The following COL19A1 variants were observed in gnomAD, a reference collection of about 807,000 sequenced individuals.
COL19A1 encodes the protein collagen alpha-1(XIX) chain.
COL19A1 carries 159 observed loss-of-function variants against 190.2 expected under a neutral mutation model. That is an observed-to-expected ratio of 0.84 (90% CI 0.73 to 0.95). COL19A1 has a LOEUF of 0.95. Among genes scored for constraint, COL19A1 ranks in the 40% least tolerant of loss-of-function variants. The pLI is 0.00. For missense variants in COL19A1, 1,418 were observed against 1,431.9 expected, an observed-to-expected ratio of 0.99 and a Z score of 0.16; for synonymous variants, 509 against 458.9, an observed-to-expected ratio of 1.11 and a Z score of -1.39.
intron 17 of COL19A1, among the ~76,000 whole-genome samples, chr6:70,129,630 A>T (rs994010111): frequency 2.6e-5 from 4 of 152,230 alleles, no homozygotes; most frequent in African/African-American, 7.2e-5. Flanking sequence ...GCAGGAGGAT[A>T]GCTTGAGCCC....
chr6:69,927,864 C>G, intron 4 of COL19A1, 45 bp from the exon 5 acceptor site: 1 of 1,564,668 alleles, frequency 6.4e-7, no homozygotes, highest in African/African-American at 1.4e-5. Flanking sequence ...TATTTTCTTG[C>G]AATCTCCAGT....
intron 12 of COL19A1, 129 bp from the exon 13 acceptor site, chr6:70,034,116 T>C (rs1779217702): frequency 1.5e-6 from 1 of 684,720 alleles, no homozygotes; most frequent in Non-Finnish European, 2.6e-6. Context: ...TTGTCTCTAT[T>C]TCTCTCTATA....
rs752392127 is a variant in COL19A1, at chr6:70,066,860, A to G, written c.1171-1563A>G. ...ATTATCAGATTTTTCATTTATTTCA[A>G]ACCATTTAAGGCATTTAATAGATGA... On this transcript the variant is annotated intron_variant, in intron 14 of 50. Transcript: ENST00000620364. Among the ~76,000 whole-genome samples, 47 of 152,100 alleles carry G rather than the reference A, an allele frequency of 3.1e-4. 1 individual carries two copies. Among genetic ancestry groups the G allele is most frequent in the Admixed American group, 1.3e-4 (2 of 15,218 alleles).
intron 8 of COL19A1, 28 bp from the exon 9 acceptor site, chr6:69,938,009 TG>T (rs772742046): frequency 6.2e-7 from 1 of 1,608,684 alleles, no homozygotes; most frequent in East Asian, 2.2e-5. Flanking sequence ...ACAGAATGTT[TG>T]CTAACACAGA....
intron 48 of COL19A1, 73 bp from the exon 49 acceptor site, chr6:70,199,535 C>A: frequency 8.9e-7 from 1 of 1,123,580 alleles, no homozygotes; most frequent in Non-Finnish European, 1.2e-6. Context: ...TGTTTGATTT[C>A]ATGTATTTTG....
rs1296763032 is a variant in COL19A1 at position 70,186,720 on chromosome 6, T to C, written c.2857-1355T>C. Among the ~76,000 whole-genome samples the C allele has an allele frequency of 4.6e-5, 7 of 152,186 alleles. No individual in the cohort carries two copies. The East Asian group carries it at 1.3e-3, about 29-fold the overall frequency. On this transcript the variant is annotated intron_variant, in intron 46 of 50. Transcript: ENST00000620364. ...AAGCAACTGCCATGATCTCTCTCTC[T>C]CTCTCTCTCTCATTCTCTCTTGCAC...
chr6:70,040,097 C>A lies in COL19A1; in HGVS notation c.1170+4158C>A, dbSNP rs377038140. On this transcript the variant is annotated intron_variant, in intron 14 of 50. Coordinates refer to ENST00000620364, the MANE Select transcript of COL19A1 (RefSeq NM_001858.6). The stretch of plus-strand genomic sequence containing the variant: ...ATGTTTATTGCTGTTATTTTTGTGT[C>A]CCTGTGGATTCTTGTGCTTTTGGTA... 7.2e-5 allele frequency among the ~76,000 whole-genome samples: 11 copies of A among 152,076 alleles called. No homozygotes were observed. In the East Asian group the frequency reaches 1.2e-3, roughly 16 times the overall value.
intron 14 of COL19A1, chr6:70,059,844 CA>C: frequency 2.0e-6 from 1 of 498,694 alleles, no homozygotes; most frequent in Non-Finnish European, 4.0e-6. Flanking sequence ...ACTCAATTTA[CA>C]GTTATTTTTA....
intron 11 of COL19A1, among the ~76,000 whole-genome samples, chr6:70,005,864 T>C (rs946275023): frequency 1.3e-5 from 2 of 152,062 alleles, no homozygotes; most frequent in Non-Finnish European, 1.5e-5. Context: ...GCTGGAGTTA[T>C]TGGACTTCCT....
At chr6:69,921,542 A>G (rs1443787418) in intron 4 of COL19A1, among the ~76,000 whole-genome samples, 1 of 135,200 alleles carries the variant, frequency 7.4e-6, no homozygotes, top group Non-Finnish European at 1.6e-5. Context: ...ATGTATATTC[A>G]TATATATTCA....
chr6:69,927,452 T>C (rs1339833192), intron 4 of COL19A1, among the ~76,000 whole-genome samples: 1 of 152,308 alleles, frequency 6.6e-6, no homozygotes, highest in Admixed American at 6.5e-5. Context: ...TGGTCTTCAG[T>C]TGGGACTAAG....
At chr6:70,051,054 G>A (rs1780174384) in intron 14 of COL19A1, among the ~76,000 whole-genome samples, 1 of 152,020 alleles carries the variant, frequency 6.6e-6, no homozygotes, top group Admixed American at 6.6e-5. Flanking sequence ...TGTTGTTAAG[G>A]TCATTTTCAA....
At chr6:70,103,044 G>C (rs1283014401) in intron 16 of COL19A1, among the ~76,000 whole-genome samples, 1 of 152,108 alleles carries the variant, frequency 6.6e-6, no homozygotes, top group Non-Finnish European at 1.5e-5. Flanking sequence ...ATGGATTAAT[G>C]AATGCCAGTT....
At chr6:69,969,490 T>C (rs1775302030) in intron 11 of COL19A1, among the ~76,000 whole-genome samples, 2 of 152,260 alleles carry the variant, frequency 1.3e-5, no homozygotes, top group South Asian at 4.1e-4. Context: ...ATCCAGGGAC[T>C]ATGCATCTGT....
intron 15 of COL19A1, among the ~76,000 whole-genome samples, chr6:70,089,077 C>T (rs1782751765): frequency 6.6e-6 from 1 of 152,262 alleles, no homozygotes; most frequent in African/African-American, 2.4e-5. Flanking sequence ...GGATTTTTCT[C>T]TTTGCCTCTG....
chr6:70,170,807 T>C (rs1765453176), intron 40 of COL19A1, among the ~76,000 whole-genome samples: 1 of 152,166 alleles, frequency 6.6e-6, no homozygotes, highest in Admixed American at 6.5e-5. Context: ...TATTCTGTAA[T>C]AAGGGCAATG....
Position 69,899,032 on chromosome 6 carries a change from A to C in COL19A1, c.166+10A>C, listed in dbSNP as rs760850992. On this transcript the variant is annotated intron_variant, in intron 3 of 50. Transcript: ENST00000620364. ...AAACTTGAAGTTTCAGGTAGGCAAT[A>C]TAATCCTTTGCAAAGTAATATTTTA... 2.3e-5 allele frequency: 36 copies of C among 1,568,916 alleles called. No homozygotes were observed. The highest frequency in any genetic ancestry group is 3.2e-5 in the Non-Finnish European group (36 of 1,140,014).
chr6:69,937,597 A>G (rs1773190996), intron 8 of COL19A1, among the ~76,000 whole-genome samples: 1 of 152,150 alleles, frequency 6.6e-6, no homozygotes, highest in African/African-American at 2.4e-5. Context: ...TCTAGAGCAG[A>G]GTGTGCCCTA....
In COL19A1 at chr6:69,906,427, G is replaced by A. The variant is rs192246068; in HGVS notation, c.266+6089G>A. ...TGTTGAGAAGGATTCTGGAGCCATA[G>A]TGGGTTTAAAGTGCTGTGACCCATT... On this transcript the variant is annotated intron_variant, in intron 4 of 50. Coordinates refer to ENST00000620364, the MANE Select transcript of COL19A1 (RefSeq NM_001858.6). Among the ~76,000 whole-genome samples, 377 of 152,260 alleles carry A rather than the reference G, an allele frequency of 2.5e-3. 2 individuals are homozygous for A. The highest frequency in any genetic ancestry group is 4.6e-3 in the South Asian group (22 of 4,824).
Sources: allele counts gnomAD v4.1 joint callset (sites outside exome capture counted in the v4.1 genomes callset), GRCh38; gene constraint gnomAD v4.1.1; transcripts MANE v1.5; gene names NCBI Gene and HGNC (gene_info 2026-07-23, HGNC 2026-07-21).